The following SETD2 variants were observed in gnomAD, a reference collection of about 807,000 sequenced individuals.
SETD2 encodes SET domain containing 2, histone lysine methyltransferase.
A neutral mutation model predicts 242.1 loss-of-function variants in SETD2; 31 were observed. The observed-to-expected ratio is 0.13, with a 90% CI of 0.10 to 0.17. The LOEUF is 0.17. Ranked by LOEUF, SETD2 falls within the 10% of genes least tolerant of loss-of-function variation. SETD2 has a pLI of 1.00. For synonymous variants in SETD2, 1,006 were observed against 1,066.5 expected (o/e 0.94, Z 1.11); for missense variants, 2,481 against 3,046.3 (o/e 0.81, Z 4.37).
chr3:47,066,931 TACACC>T (rs2040582539), intron 13 of SETD2, 134 bp downstream of exon 13: 2 of 636,900 alleles, frequency 3.1e-6, no homozygotes, highest in South Asian at 4.7e-5. Context: ...TCCAAACTTT[TACACC>T]AAATATTTCA....
intron 18 of SETD2, among the ~76,000 whole-genome samples, chr3:47,025,200 C>T (rs2038418306): frequency 6.6e-6 from 1 of 152,154 alleles, no homozygotes; most frequent in African/African-American, 2.4e-5. Context: ...ATTCCCTAGG[C>T]TGAATGATGG....
chr3:47,064,222 T>G (rs573418562), intron 13 of SETD2, among the ~76,000 whole-genome samples: 1 of 152,316 alleles, frequency 6.6e-6, no homozygotes, highest in Non-Finnish European at 1.5e-5. Context: ...TCATAAGCAT[T>G]TCTCACAGTT....
chr3:47,076,171 GA>G (rs1299550099), intron 12 of SETD2, among the ~76,000 whole-genome samples: 6 of 152,144 alleles, frequency 3.9e-5, no homozygotes, highest in African/African-American at 1.2e-4. Context: ...TTCCGGGGGG[GA>G]AAAGGAAGAA....
chr3:47,067,254 A>G, intron 12 of SETD2, 136 bp from the exon 13 acceptor site: 1 of 684,052 alleles, frequency 1.5e-6, no homozygotes, highest in East Asian at 2.6e-5. Context: ...TTTGACTTAT[A>G]TCTGGGCTTT....
At chr3:47,129,857 C>T (rs1245419778) in intron 1 of SETD2, among the ~76,000 whole-genome samples, 9 of 146,614 alleles carry the variant, frequency 6.1e-5, no homozygotes, top group Admixed American at 4.2e-4. Context: ...CTAGCCTGGG[C>T]GACAGAATGA....
At chr3:47,091,730 T>C (rs974883848) in intron 9 of SETD2, among the ~76,000 whole-genome samples, 1 of 152,062 alleles carries the variant, frequency 6.6e-6, no homozygotes, top group Admixed American at 6.6e-5. Context: ...GCCACTGTAC[T>C]CTAGCCTGGG....
intron 12 of SETD2, among the ~76,000 whole-genome samples, chr3:47,068,611 C>G (rs185166808): frequency 3.3e-5 from 5 of 151,842 alleles, no homozygotes; most frequent in African/African-American, 1.2e-4. Flanking sequence ...ATTCTCCTGC[C>G]TCAGCCTCCT....
chr3:47,056,816 G>C lies in SETD2; in HGVS notation c.6963+5C>G, dbSNP rs1553683838. ...GCAGAAAAGAAAAGTTTCAGAATTA[G>C]TTACCTGTACAATTGGTGGAGTTGT... On this transcript the variant is annotated splice_donor_5th_base_variant and intron_variant, in intron 15 of 20. Transcript: ENST00000409792. 1 of 1,608,710 alleles carries C rather than the reference G, an allele frequency of 6.2e-7. No individual in the cohort carries two copies. The highest frequency in any genetic ancestry group is 8.5e-7 in the Non-Finnish European group (1 of 1,175,664).
chr3:47,117,276 A>AC (rs1490540217), intron 3 of SETD2, among the ~76,000 whole-genome samples: 26 of 29,432 alleles, frequency 8.8e-4, no homozygotes, highest in African/African-American at 2.8e-3. Flanking sequence ...AAAAAAAAAA[A>AC]AAAACAAACA....
chr3:47,053,245 T>C (rs944540904), intron 15 of SETD2, among the ~76,000 whole-genome samples: 1 of 152,172 alleles, frequency 6.6e-6, no homozygotes, highest in Non-Finnish European at 1.5e-5. Context: ...CAATAGGTTA[T>C]AGAGAGAAAA....
chr3:47,137,983 T>G (rs1025443531), intron 1 of SETD2, among the ~76,000 whole-genome samples: 6 of 151,396 alleles, frequency 4.0e-5, no homozygotes, highest in Non-Finnish European at 7.4e-5. Context: ...CACTTTCTTT[T>G]TTTTTTGAGA....
rs1391125965 is a variant in SETD2 at position 47,107,222 on chromosome 3, C to T, written c.4716-1102G>A. Among the ~76,000 whole-genome samples the T allele has an allele frequency of 9.2e-5, 14 of 152,076 alleles. 1 individual carries two copies. In the East Asian group the frequency reaches 2.7e-3, roughly 29 times the overall value. The stretch of plus-strand genomic sequence containing the variant: ...GGCCTGCCTGAAAGTCTTTTCTTAT[C>T]CCCTCAAAATAAACATACCCTAATT... On this transcript the variant is annotated intron_variant, in intron 5 of 20. Transcript: ENST00000409792.
Position 47,084,067 on chromosome 3 carries a change from C to T in SETD2, c.5713G>A (p.Gly1905Ser), listed in dbSNP as rs1490559790. 7 of 1,614,190 alleles carry T rather than the reference C, an allele frequency of 4.3e-6. No homozygotes were observed. The highest frequency in any genetic ancestry group is 1.1e-5 in the South Asian group (1 of 91,088). Reference protein sequence around the residue: ...DATSELEGKDGKEDLDQLENV... With the variant: ...DATSELEGKDSKEDLDQLENV... ...TCTAATTGATCAAGATCCTCTTTGC[C>T]ATCCTTGCCTTCTAGCTCACTGGTT... is the stretch of plus-strand genomic sequence containing the variant. Residue 1905 changes from glycine (G) to serine (S), a missense_variant, in exon 12 of 21, where the codon GGC (glycine) becomes AGC (serine). Physicochemically the swap from Gly to Ser is moderately conservative, Grantham distance 56. Transcript: ENST00000409792.
At chr3:47,061,015 G>A (rs2040308169) in intron 14 of SETD2, among the ~76,000 whole-genome samples, 1 of 152,176 alleles carries the variant, frequency 6.6e-6, no homozygotes, top group South Asian at 2.1e-4. Flanking sequence ...TCAGGAGATC[G>A]AGACCATCCT....
intron 12 of SETD2, among the ~76,000 whole-genome samples, chr3:47,083,472 T>C (rs1284583035): frequency 6.6e-6 from 1 of 152,230 alleles, no homozygotes; most frequent in African/African-American, 2.4e-5. Flanking sequence ...CTTAAATGAC[T>C]GAACTCACTA....
chr3:47,144,162 G>A lies in SETD2; in HGVS notation c.72-17499C>T, dbSNP rs117784190. Among the ~76,000 whole-genome samples, 153 of 152,204 alleles carry A rather than the reference G, an allele frequency of 1.0e-3. 3 individuals are homozygous for A. The East Asian group carries it at 0.023, about 23-fold the overall frequency. On this transcript the variant is annotated intron_variant, in intron 1 of 20. Transcript: ENST00000409792. ...CTATGACAAAGAACTACTCCAAGCT[G>A]ACAAAGTAAATGTATACCTCACAGA...
intron 12 of SETD2, 108 bp downstream of exon 12, chr3:47,083,612 A>G: frequency 9.5e-7 from 1 of 1,047,696 alleles, no homozygotes; most frequent in Non-Finnish European, 1.4e-6. Flanking sequence ...ACAGTATTCC[A>G]TTTTTCAGAA....
chr3:47,094,006 T>C (rs2041908297), intron 9 of SETD2, among the ~76,000 whole-genome samples: 2 of 152,360 alleles, frequency 1.3e-5, no homozygotes, highest in Middle Eastern at 3.4e-3. Flanking sequence ...TTCTTATTAA[T>C]AGGATACTAG....
intron 8 of SETD2, among the ~76,000 whole-genome samples, chr3:47,099,877 T>A (rs771159461): frequency 1.3e-5 from 2 of 152,244 alleles, no homozygotes; most frequent in Non-Finnish European, 2.9e-5. Context: ...GAATAAATGT[T>A]TAAATGCTTA....
Sources: gnomAD v4.1 joint callset for allele counts (sites outside exome capture counted in the v4.1 genomes callset) on GRCh38, gnomAD v4.1.1 for gene constraint, MANE v1.5 for transcripts, NCBI Gene and HGNC (gene_info 2026-07-23, HGNC 2026-07-21) for gene names.